NUP85: variants seen among roughly 807,000 people sequenced by gnomAD.
NUP85 encodes nuclear pore complex protein Nup85.
NUP85 carries 23 observed loss-of-function variants against 92.8 expected under a neutral mutation model. The observed-to-expected ratio is 0.25, with a 90% CI of 0.18 to 0.35. The LOEUF is 0.35. Ranked by LOEUF, NUP85 falls within the 10% of genes least tolerant of loss-of-function variation. The probability of loss-of-function intolerance (pLI) is 1.00; values close to 1 mark genes in which losing one functional copy is unlikely to be tolerated. For missense variants in NUP85, 759 were observed against 822.8 expected (o/e 0.92, Z 0.95); for synonymous variants, 314 against 306.9 (o/e 1.02, Z -0.24).
chr17:75,206,950 G>A (rs926435263), intron 1 of NUP85, among the ~76,000 whole-genome samples: 6 of 151,986 alleles, frequency 3.9e-5, no homozygotes, highest in Middle Eastern at 3.2e-3. Flanking sequence ...CTCGTGATCC[G>A]CCCACCTCGG....
rs371608919 is a variant in NUP85 at position 75,209,899 on chromosome 17, G to A, written c.204G>A (p.Leu68=). The A allele has an allele frequency of 1.7e-5, 27 of 1,586,202 alleles. No homozygotes were observed. In the African/African-American group the frequency reaches 3.2e-4, roughly 19 times the overall value. Residue 68 remains leucine (L), a synonymous_variant, in exon 3 of 19, where the codon TTG becomes TTA. Transcript: ENST00000245544. ...RKDVDVYSQI[L]RKLFNESHGI... ...ATGTAGATGTTTACTCTCAAATCTTGAGAAAACTCTTCAATGAATCCCATG... is the reference window on the plus strand; with the variant it reads ...ATGTAGATGTTTACTCTCAAATCTTAAGAAAACTCTTCAATGAATCCCATG...
At chr17:75,225,925 A>G in intron 10 of NUP85, 96 bp downstream of exon 10, 1 of 1,594,066 alleles carries the variant, frequency 6.3e-7, no homozygotes, top group Non-Finnish European at 8.6e-7. Context: ...GAACAGGAAG[A>G]CCCTTTCCTT....
At chr17:75,214,730 G>A (rs923509118) in intron 5 of NUP85, among the ~76,000 whole-genome samples, 5 of 152,222 alleles carry the variant, frequency 3.3e-5, no homozygotes, top group Admixed American at 2.0e-4. Context: ...GGTGGTGTGC[G>A]CCTGTAATCC....
chr17:75,226,505 A>G (rs1006971048), intron 11 of NUP85, among the ~76,000 whole-genome samples: 1 of 152,066 alleles, frequency 6.6e-6, no homozygotes, highest in African/African-American at 2.4e-5. Flanking sequence ...AAGGGCACCC[A>G]ATCACATTCA....
At position 75,211,954 on chromosome 17, in the gene NUP85, T is replaced by C. The variant is rs745744912; in HGVS notation, c.291-38T>C. On this transcript the variant is annotated intron_variant, in intron 3 of 18. Transcript: ENST00000245544. ...CCTTCCTTTGTGGCACTACAAGATG[T>C]TCCAGGCTCATCTTGTGTGTTATTT... The C allele has an allele frequency of 1.4e-5, 21 of 1,495,482 alleles. No individual in the cohort carries two copies. In the Middle Eastern group the frequency reaches 6.8e-4, roughly 48 times the overall value. 92.6% of individuals were successfully genotyped at this position (1,495,482 alleles called of 1,614,324 possible).
At chr17:75,212,500 A>G (rs2075308440) in intron 4 of NUP85, among the ~76,000 whole-genome samples, 1 of 107,434 alleles carries the variant, frequency 9.3e-6, no homozygotes. Flanking sequence ...TTTTTTTGAG[A>G]CAAGGTTGCC....
Position 75,234,687 on chromosome 17 carries a change from G to A in NUP85, c.1666G>A (p.Ala556Thr), listed in dbSNP as rs1374417574. 9 of 1,614,034 alleles carry A rather than the reference G, an allele frequency of 5.6e-6. No homozygotes were observed. The Admixed American group carries it at 1.0e-4, about 18-fold the overall frequency. Residue 556 changes from alanine (A) to threonine (T), a missense_variant, in exon 17 of 19, where the codon GCA (alanine) becomes ACA (threonine). Transcript: ENST00000245544. Reference protein sequence around the residue: ...RMYGEKRFADAASLLLSLMTS... With the variant: ...RMYGEKRFADTASLLLSLMTS... ...GTACGGGGAGAAGCGTTTTGCCGAC[G>A]CAGCTTCTCTCCTTCTGTCCTTGAT...
chr17:75,212,174 C>T, intron 4 of NUP85, 112 bp downstream of exon 4: 1 of 511,384 alleles, frequency 2.0e-6, no homozygotes, highest in African/African-American at 2.1e-5. Context: ...TATTCCAGTC[C>T]AAAACTTATT....
chr17:75,225,036 TGGCCTCCTCACGCCTCGGCAGGGCCA>T, intron 7 of NUP85, 41 bp from the exon 8 acceptor site: 6 of 1,477,892 alleles, frequency 4.1e-6, no homozygotes, highest in South Asian at 2.7e-5. Flanking sequence ...GTGAGGGGAC[TGGCCTCCTCACGCCTCGGCAGGGCCA>T]GGCCTCCTGC....
At chr17:75,228,618 C>T (rs913369137) in intron 11 of NUP85, 9 of 985,326 alleles carry the variant, frequency 9.1e-6, no homozygotes, top group Non-Finnish European at 6.0e-6. Context: ...GACCCATGCA[C>T]AGTTCTGGGC....
intron 11 of NUP85, chr17:75,228,054 GCTTT>G (rs1336570534): frequency 2.7e-5 from 7 of 258,644 alleles, no homozygotes; most frequent in Non-Finnish European, 3.6e-5. Context: ...CCATCGTTTG[GCTTT>G]GTTGGTGTCT....
At chr17:75,214,825 C>T (rs1192501879) in intron 5 of NUP85, among the ~76,000 whole-genome samples, 3 of 149,218 alleles carry the variant, frequency 2.0e-5, no homozygotes, top group Non-Finnish European at 4.4e-5. Flanking sequence ...CCACTGCACT[C>T]CAGCCTGACT....
At position 75,210,732 on chromosome 17, in the gene NUP85, C is replaced by T. The variant is rs143887612; in HGVS notation, c.290+747C>T. 4.9e-4 allele frequency among the ~76,000 whole-genome samples: 74 copies of T among 152,258 alleles called. No individual in the cohort carries two copies. The East Asian group carries it at 9.4e-3, about 19-fold the overall frequency. ...TCTGTTTTTTTTCGAGGCAGAGTTTCGCTCTGTCACCCAGGCTGGAGTGCA... is the reference window on the plus strand; with the variant it reads ...TCTGTTTTTTTTCGAGGCAGAGTTTTGCTCTGTCACCCAGGCTGGAGTGCA... On this transcript the variant is annotated intron_variant, in intron 3 of 18. Coordinates refer to ENST00000245544, the MANE Select transcript of NUP85 (RefSeq NM_024844.5).
In NUP85 at chr17:75,226,053, C is replaced by T. The variant is rs1283097851; in HGVS notation, c.990C>T (p.Ser330=). The T allele has an allele frequency of 1.2e-6, 2 of 1,614,118 alleles. No individual in the cohort carries two copies. The highest frequency in any genetic ancestry group is 1.7e-6 in the Non-Finnish European group (2 of 1,180,006). ...AGTGTCTCATCACCTTTCCACAGTC[C>T]AGCCTGGACCTGTTTCTGGGAGGTG... is the stretch of plus-strand genomic sequence containing the variant. The part of the protein sequence containing the change: ...KPIDLHYYAQ[S]SLDLFLGGES... Residue 330 remains serine, a splice_region_variant and synonymous_variant, in exon 11 of 19, where the codon TCC becomes TCT. Transcript: ENST00000245544.
chr17:75,232,968 G>T lies in NUP85; in HGVS notation c.1514G>T (p.Arg505Met). 1 of 1,614,028 alleles carries T rather than the reference G, an allele frequency of 6.2e-7. No individual in the cohort carries two copies. The highest frequency in any genetic ancestry group is 8.5e-7 in the Non-Finnish European group (1 of 1,179,866). The change falls in exon 15 of 19, where the codon AGG (arginine) becomes ATG (methionine). Residue 505 changes from arginine (R) to methionine (M), a missense_variant and splice_region_variant. Transcript: ENST00000245544. ...GCCTTTGCCACGCTCGTGTCAGACA[G>T]GTGGGTGCCGCTAGTGTTGGCTTCC... ...DAAFATLVSD[R>M]FLRDYCERGC... is the part of the protein sequence containing the mutation.
rs565478862 is a variant in NUP85, at chr17:75,232,031, G to A, written c.1396+52G>A. On this transcript the variant is annotated intron_variant, in intron 14 of 18. Coordinates refer to ENST00000245544, the MANE Select transcript of NUP85 (RefSeq NM_024844.5). ...TGTCTGTGGGACGCAGGAGTCAGGG[G>A]ATCCTGAGGTCACACTTTATGCCTA... 125 of 1,595,734 alleles carry A rather than the reference G, an allele frequency of 7.8e-5. 1 individual carries two copies. The African/African-American group carries it at 1.4e-3, about 18-fold the overall frequency.
rs1449163864 is a variant in NUP85, at chr17:75,225,256, G to A, written c.732+19G>A. Reference sequence around the variant, plus strand: ...TCTTAGTGTACGTGGGGGTAGCTTTGCTCTGCTGGGTCACAGGAGATGCGT... The same window carrying A: ...TCTTAGTGTACGTGGGGGTAGCTTTACTCTGCTGGGTCACAGGAGATGCGT... On this transcript the variant is annotated intron_variant, in intron 8 of 18. Transcript: ENST00000245544. The A allele has an allele frequency of 6.2e-7, 1 of 1,605,572 alleles. No homozygotes were observed. Among genetic ancestry groups the A allele is most frequent in the Admixed American group, 1.7e-5 (1 of 59,682 alleles).
chr17:75,205,693 TCTGAGCGGGAGGC>T lies in NUP85; in HGVS notation c.-58_-46del. ...GGCGGAGTCTTGTCTCGCAGCCAGC[TCTGAGCGGGAGGC>T]CTGAGCGGGAAGCATTGGCGTCCGA... On this transcript the variant is annotated 5_prime_UTR_variant, in exon 1 of 19. Transcript: ENST00000245544. 3 of 1,597,016 alleles carry T rather than the reference TCTGAGCGGGAGGC, an allele frequency of 1.9e-6. No homozygotes were observed. Among genetic ancestry groups the T allele is most frequent in the Non-Finnish European group, 2.6e-6 (3 of 1,164,768 alleles).
At chr17:75,226,595 A>G (rs779427149) in intron 11 of NUP85, 38 of 317,330 alleles carry the variant, frequency 1.2e-4, no homozygotes, top group Non-Finnish European at 1.4e-4. Context: ...CACATTGGCA[A>G]AACTGGGGTT....
Sources: gnomAD v4.1 joint callset for allele counts (sites outside exome capture counted in the v4.1 genomes callset) on GRCh38, gnomAD v4.1.1 for gene constraint, MANE v1.5 for transcripts, NCBI Gene and HGNC (gene_info 2026-07-23, HGNC 2026-07-21) for gene names.